Variants in ALG12 observed in about 807,000 individuals in gnomAD.
ALG12 encodes the protein ALG12 alpha-1,6-mannosyltransferase, also known as dol-P-Man:Man(7)GlcNAc(2)-PP-Dol alpha-1,6-mannosyltransferase.
ALG12 carries 36 observed loss-of-function variants against 46.0 expected under a neutral mutation model. That is an observed-to-expected ratio of 0.78 (90% CI 0.60 to 1.03). The LOEUF is 1.03. Ranked by LOEUF, ALG12 falls within the 50% of genes least tolerant of loss-of-function variation. The probability of loss-of-function intolerance (pLI) is 0.00; values close to 1 mark genes in which losing one functional copy is unlikely to be tolerated. For missense variants in ALG12, 599 were observed against 633.5 expected (o/e 0.95, Z 0.58); for synonymous variants, 326 against 291.6 (o/e 1.12, Z -1.20).
intron 1 of ALG12, among the ~76,000 whole-genome samples, chr22:49,915,080 C>A (rs1024509945): frequency 1.4e-4 from 22 of 152,066 alleles, no homozygotes; most frequent in African/African-American, 5.3e-4. Flanking sequence ...AAGATGGCAA[C>A]CAAAGGAAAA....
the ALG12 span, among the ~76,000 whole-genome samples, chr22:49,861,941 C>T: frequency 6.6e-6 from 1 of 152,106 alleles, no homozygotes; most frequent in African/African-American, 2.4e-5. Flanking sequence ...TGAGTGCTTC[C>T]AAGTTCCCCC....
intron 5 of ALG12, 139 bp downstream of exon 5, chr22:49,909,755 G>A (rs1290536731): frequency 1.6e-6 from 2 of 1,235,210 alleles, no homozygotes; most frequent in African/African-American, 1.5e-5. Context: ...AGGGGGCTTA[G>A]GATTGAAATG....
At chr22:49,863,252 C>T in the ALG12 span, among the ~76,000 whole-genome samples, 8 of 152,116 alleles carry the variant, frequency 5.3e-5, no homozygotes, top group South Asian at 4.1e-4. Flanking sequence ...GTGGTGCTCC[C>T]GGGCTCAAGT....
chr22:49,864,467 G>A, the ALG12 span, among the ~76,000 whole-genome samples: 3 of 152,124 alleles, frequency 2.0e-5, no homozygotes, highest in Admixed American at 6.6e-5. Context: ...CAGATGCTTC[G>A]CAACTCAGGA....
the ALG12 span, among the ~76,000 whole-genome samples, chr22:49,882,368 G>A: frequency 6.6e-6 from 1 of 152,182 alleles, no homozygotes; most frequent in Non-Finnish European, 1.5e-5. Flanking sequence ...ACTGAGCTGT[G>A]GTCACGCCAC....
At chr22:49,886,296 G>A in the ALG12 span, 31 of 1,506,192 alleles carry the variant, frequency 2.1e-5, 1 homozygote, top group Admixed American at 9.3e-5. The surrounding 1 kb of genome is among the most constrained non-coding windows in gnomAD (Gnocchi z 7.7). Flanking sequence ...GGGAGTACGC[G>A]CTGCCTCAGC....
At position 49,905,013 on chromosome 22, in the gene ALG12, C is replaced by T. The variant is rs535767642; in HGVS notation, c.993-507G>A. Among the ~76,000 whole-genome samples the T allele has an allele frequency of 7.0e-4, 107 of 152,306 alleles. No homozygotes were observed. The highest frequency in any genetic ancestry group is 2.5e-3 in the African/African-American group (102 of 41,576). ...TCAGCCTCCCAAAGTGCTGAGATTA[C>T]AGGCATGAGCCACTGCGCCCAGCCT... On this transcript the variant is annotated intron_variant, in intron 7 of 9. Transcript: ENST00000330817. This position sits in a 1 kb window ranked among gnomAD's most constrained non-coding sequence, Gnocchi z 4.9.
the ALG12 span, chr22:49,887,263 G>A: frequency 3.7e-5 from 52 of 1,415,822 alleles, no homozygotes; most frequent in Middle Eastern, 2.4e-4. Context: ...CTCTGCCCAC[G>A]GCTGTGTACG....
the ALG12 span, among the ~76,000 whole-genome samples, chr22:49,881,858 T>C: frequency 4.6e-5 from 7 of 152,156 alleles, no homozygotes; most frequent in African/African-American, 1.7e-4. Context: ...TTTTCTTTTT[T>C]ATCTGGCTGT....
chr22:49,894,477 C>T, the ALG12 span, among the ~76,000 whole-genome samples: 1,736 of 152,278 alleles, frequency 0.011, 32 homozygotes, highest in African/African-American at 0.037. Flanking sequence ...AGAGTGAATG[C>T]GAGAGGCCAG....
At chr22:49,878,668 A>G in the ALG12 span, among the ~76,000 whole-genome samples, 1 of 152,232 alleles carries the variant, frequency 6.6e-6, no homozygotes, top group South Asian at 2.1e-4. Flanking sequence ...TACAAGCCCA[A>G]AAGCACAATC....
At chr22:49,865,117 A>G in the ALG12 span, among the ~76,000 whole-genome samples, 2 of 152,090 alleles carry the variant, frequency 1.3e-5, no homozygotes, top group South Asian at 2.1e-4. Flanking sequence ...TGTGAACCTC[A>G]TAGAGTGCAC....
chr22:49,897,890 ACCTC>A (rs2060489954), downstream of ALG12, among the ~76,000 whole-genome samples: 2 of 151,582 alleles, frequency 1.3e-5, no homozygotes, highest in Non-Finnish European at 2.9e-5. Flanking sequence ...CAACCTCCTG[ACCTC>A]GTGATCTGCC....
the ALG12 span, chr22:49,883,467 G>C: frequency 3.0e-6 from 2 of 676,942 alleles, no homozygotes; most frequent in Non-Finnish European, 4.5e-6. Context: ...TTGGAAAGCA[G>C]TGATCTATGC....
chr22:49,863,725 TGTTATA>T, the ALG12 span, among the ~76,000 whole-genome samples: 23 of 152,210 alleles, frequency 1.5e-4, no homozygotes, highest in African/African-American at 5.3e-4. Flanking sequence ...CACTCTCTGG[TGTTATA>T]GTTCATGGAG....
rs1370880803 is a variant in ALG12 at position 49,900,529 on chromosome 22, G to C, written c.*3309C>G. 6.6e-6 allele frequency: 1 copy of C among 152,270 alleles called. No homozygotes were observed. Among genetic ancestry groups the C allele is most frequent in the Non-Finnish European group, 1.5e-5 (1 of 68,098 alleles). The allele number at this position is 152,270 out of a possible 1,614,324, so 9.4% of individuals were successfully genotyped here. A position where few individuals can be genotyped will look rare whatever the true frequency, so the allele number is the denominator to read the frequency against. On this transcript the variant is annotated 3_prime_UTR_variant, in exon 10 of 10. Transcript: ENST00000330817. ...AGAAGCCGACCCAAGGAACTCATGA[G>C]CACAGTGCTTGACGGCACCCGCAGT...
At chr22:49,899,405 G>GA (rs2060495157), downstream of ALG12, among the ~76,000 whole-genome samples, 9 of 151,978 alleles carry the variant, frequency 5.9e-5, no homozygotes, top group South Asian at 1.9e-3. Context: ...TCGAGCCTGG[G>GA]AGGCGGAGGT....
rs1050839935 is a variant in ALG12, at chr22:49,906,604, G to A, written c.992+1117C>T. The stretch of plus-strand genomic sequence containing the variant: ...ACCGGAAAGCACCTGACCGCTGCCT[G>A]AGATCAGGGACCGCATTGTGGGGCT... On this transcript the variant is annotated intron_variant, in intron 7 of 9. Coordinates refer to ENST00000330817, the MANE Select transcript of ALG12 (RefSeq NM_024105.4). The surrounding 1 kb of genome is among the most constrained non-coding windows in gnomAD (Gnocchi z 4.4). Among the ~76,000 whole-genome samples, 2 of 152,204 alleles carry A rather than the reference G, an allele frequency of 1.3e-5. No homozygotes were observed. The highest frequency in any genetic ancestry group is 4.8e-5 in the African/African-American group (2 of 41,446).
chr22:49,880,302 T>C, the ALG12 span, among the ~76,000 whole-genome samples: 1 of 152,204 alleles, frequency 6.6e-6, no homozygotes, highest in African/African-American at 2.4e-5. Flanking sequence ...TTTTCCCCTT[T>C]GGTTCTCTGA....
Sources: allele counts gnomAD v4.1 joint callset (sites outside exome capture counted in the v4.1 genomes callset), GRCh38; gene constraint gnomAD v4.1.1; non-coding constraint Gnocchi (gnomAD v3.1); transcripts MANE v1.5; gene names NCBI Gene and HGNC (gene_info 2026-07-23, HGNC 2026-07-21).